Variants in CDV3 observed in about 807,000 individuals in gnomAD.
CDV3 encodes CDV3 homolog, also known as protein CDV3 homolog.
Under a neutral mutation model 24.5 loss-of-function variants are expected in CDV3, and 14 were observed. That is an observed-to-expected ratio of 0.57 (90% CI 0.38 to 0.89). CDV3 has a LOEUF of 0.89. CDV3 is among the 40% of genes least tolerant of loss of function. CDV3 has a pLI of 0.00. For synonymous variants in CDV3, 114 were observed against 114.1 expected, an observed-to-expected ratio of 1.00 and a Z score of 0.00; for missense variants, 304 against 310.2, an observed-to-expected ratio of 0.98 and a Z score of 0.15.
chr3:133,580,327 T>G (rs1285343623), intron 2 of CDV3, among the ~76,000 whole-genome samples: 4 of 152,214 alleles, frequency 2.6e-5, no homozygotes, highest in Non-Finnish European at 4.4e-5. Flanking sequence ...TGCATAGTAT[T>G]CCTTGGGGTA....
intron 2 of CDV3, among the ~76,000 whole-genome samples, chr3:133,575,644 T>C (rs902177726): frequency 4.6e-5 from 7 of 152,272 alleles, no homozygotes; most frequent in Non-Finnish European, 1.0e-4. Context: ...ACATACTCAC[T>C]GCATTCACCT....
intron 2 of CDV3, among the ~76,000 whole-genome samples, chr3:133,575,376 G>A (rs2074767234): frequency 6.6e-6 from 1 of 152,208 alleles, no homozygotes; most frequent in Non-Finnish European, 1.5e-5. Flanking sequence ...ATTTGAGACA[G>A]CTAAAGTGGA....
intron 4 of CDV3, 164 bp from the exon 5 acceptor site, chr3:133,587,727 TTTGAA>T: frequency 7.1e-7 from 1 of 1,399,520 alleles, no homozygotes; most frequent in Non-Finnish European, 9.3e-7. Context: ...GTGTTTTCTG[TTTGAA>T]TTGAAGCCTT....
intron 4 of CDV3, 185 bp from the exon 5 acceptor site, chr3:133,587,711 C>T (rs1038367206): frequency 5.1e-6 from 7 of 1,379,822 alleles, no homozygotes; most frequent in Non-Finnish European, 6.6e-6. Context: ...TTCAATACAG[C>T]GTTCTGTGTT....
chr3:133,576,967 C>A (rs2074839454), intron 2 of CDV3, among the ~76,000 whole-genome samples: 1 of 149,344 alleles, frequency 6.7e-6, no homozygotes, highest in Non-Finnish European at 1.5e-5. Context: ...TCTGCCTCAG[C>A]CTCCCGAGTA....
At chr3:133,585,143 A>G (rs1017207727) in intron 3 of CDV3, among the ~76,000 whole-genome samples, 1 of 151,614 alleles carries the variant, frequency 6.6e-6, no homozygotes, top group African/African-American at 2.4e-5. Context: ...CAGCCCCTCA[A>G]CTGCTTGGGC....
intron 2 of CDV3, among the ~76,000 whole-genome samples, chr3:133,583,329 C>A (rs1576651439): frequency 6.6e-6 from 1 of 152,196 alleles, no homozygotes; most frequent in Admixed American, 6.5e-5. Context: ...ACTTTCAAAA[C>A]TCTTCATTTG....
At chr3:133,584,840 CAG>C (rs1438214075) in intron 3 of CDV3, among the ~76,000 whole-genome samples, 2 of 152,074 alleles carry the variant, frequency 1.3e-5, no homozygotes, top group Admixed American at 6.6e-5. Flanking sequence ...AATGCATAAA[CAG>C]ATGTATAGTA....
intron 2 of CDV3, among the ~76,000 whole-genome samples, chr3:133,578,810 C>T (rs994992095): frequency 6.6e-6 from 1 of 152,144 alleles, no homozygotes; most frequent in African/African-American, 2.4e-5. Context: ...CTGCTTCCCC[C>T]TAGTGTTGGG....
intron 2 of CDV3, among the ~76,000 whole-genome samples, chr3:133,582,639 A>G (rs531422311): frequency 2.6e-5 from 4 of 152,328 alleles, no homozygotes; most frequent in Admixed American, 2.6e-4. Context: ...TCCTAAGGTT[A>G]TACAGTTAAG....
In CDV3 at chr3:133,588,659, C is replaced by G. The variant is rs1486321937; in HGVS notation, c.*613C>G. 2.1e-6 allele frequency: 1 copy of G among 478,740 alleles called. No individual in the cohort carries two copies. Among genetic ancestry groups the G allele is most frequent in the Admixed American group, 3.6e-5 (1 of 28,070 alleles). The allele number at this position is 478,740 out of a possible 1,614,324, so 29.7% of individuals were successfully genotyped here. Reference sequence around the variant, plus strand: ...TCCTGGAACACACTGCTGAAAAGAACTGATGTGTTCAGATCATCTGTGTAG... The same window carrying G: ...TCCTGGAACACACTGCTGAAAAGAAGTGATGTGTTCAGATCATCTGTGTAG... On this transcript the variant is annotated 3_prime_UTR_variant, in exon 5 of 5. Transcript: ENST00000264993.
Position 133,574,239 on chromosome 3 carries a change from C to T in CDV3, c.195C>T (p.Ser65=), listed in dbSNP as rs2074712622. The change falls in exon 1 of 5, where the codon AGC becomes AGT. Residue 65 remains serine (S), a synonymous_variant. Transcript: ENST00000264993. ...GTRPGDGGTA[S]AGAAGPGAAT... is the part of the protein sequence containing the mutation. ...GGCCGGGTGACGGCGGGACCGCCAG[C>T]GCGGGGGCTGCGGGCCCAGGGGCCG... 3.0e-6 allele frequency: 3 copies of T among 992,704 alleles called. No homozygotes were observed. The highest frequency in any genetic ancestry group is 1.0e-3 in the Middle Eastern group (2 of 1,962). 61.5% of individuals were successfully genotyped at this position (992,704 alleles called of 1,614,324 possible).
At chr3:133,586,824 C>G in intron 4 of CDV3, 102 bp downstream of exon 4, 1 of 699,732 alleles carries the variant, frequency 1.4e-6, no homozygotes, top group Non-Finnish European at 2.5e-6. Context: ...GAGACTACTC[C>G]TTAACTAATA....
chr3:133,574,089 G>A lies in CDV3; in HGVS notation c.45G>A (p.Lys15=). The A allele has an allele frequency of 8.1e-7, 1 of 1,238,114 alleles. No individual in the cohort carries two copies. Among genetic ancestry groups the A allele is most frequent in the Non-Finnish European group, 1.0e-6 (1 of 965,512 alleles). 76.7% of individuals were successfully genotyped at this position (1,238,114 alleles called of 1,614,324 possible). Reference sequence around the variant, plus strand: ...GGAGCCTGGACAACTTCTTTGCCAAGAGGGACAAGAAGAAGAAGAAGGAGC... The same window carrying A: ...GGAGCCTGGACAACTTCTTTGCCAAAAGGGACAAGAAGAAGAAGAAGGAGC... ...EERSLDNFFA[K]RDKKKKKERS... The change falls in exon 1 of 5, where the codon AAG becomes AAA. Residue 15 remains lysine, a synonymous_variant. Transcript: ENST00000264993.
chr3:133,582,691 G>A (rs1933166723), intron 2 of CDV3, among the ~76,000 whole-genome samples: 1 of 152,144 alleles, frequency 6.6e-6, no homozygotes, highest in South Asian at 2.1e-4. Context: ...CAGAGTTTTG[G>A]GAACCAGCCT....
intron 2 of CDV3, among the ~76,000 whole-genome samples, chr3:133,578,584 G>A (rs1478183777): frequency 6.6e-6 from 1 of 152,220 alleles, no homozygotes; most frequent in Non-Finnish European, 1.5e-5. Flanking sequence ...ATGGTGCTCT[G>A]GGGCAGAGGA....
intron 2 of CDV3, among the ~76,000 whole-genome samples, chr3:133,581,090 G>C (rs746443601): frequency 2.6e-5 from 4 of 151,970 alleles, no homozygotes; most frequent in Admixed American, 6.6e-5. Context: ...TTATTTAAAA[G>C]CTTTCTGTGA....
chr3:133,586,967 G>A (rs1475486982), intron 4 of CDV3, among the ~76,000 whole-genome samples: 1 of 152,018 alleles, frequency 6.6e-6, no homozygotes, highest in Non-Finnish European at 1.5e-5. Context: ...TCTTAGCCCT[G>A]GTTTATGTTG....
chr3:133,585,016 T>C (rs1452153936), intron 3 of CDV3, among the ~76,000 whole-genome samples: 1 of 152,222 alleles, frequency 6.6e-6, no homozygotes, highest in Non-Finnish European at 1.5e-5. Flanking sequence ...CTCCAAATCT[T>C]GTTATGCAGA....
Sources: gnomAD v4.1 joint callset for allele counts (sites outside exome capture counted in the v4.1 genomes callset) on GRCh38, gnomAD v4.1.1 for gene constraint, MANE v1.5 for transcripts, NCBI Gene and HGNC (gene_info 2026-07-23, HGNC 2026-07-21) for gene names.